CNP: variants seen among roughly 807,000 people sequenced by gnomAD.
The protein encoded by CNP is 2',3'-cyclic-nucleotide 3'-phosphodiesterase.
Under a neutral mutation model 37.9 loss-of-function variants are expected in CNP, and 8 were observed. The observed-to-expected ratio is 0.21, with a 90% CI of 0.12 to 0.38. CNP has a LOEUF of 0.38. CNP is among the 10% of genes least tolerant of loss of function. CNP has a pLI of 1.00. For synonymous variants in CNP, 237 were observed against 238.3 expected (o/e 0.99, Z 0.05); for missense variants, 457 against 551.0 (o/e 0.83, Z 1.71).
chr17:41,977,210 A>C lies in CNP; in HGVS notation c.*3286A>C. ...CCAAAGAGCTGCCTAAGAGGCAATGAGTGTGTTGGCTTGTGATCTGGGAAC... is the reference window on the plus strand; with the variant it reads ...CCAAAGAGCTGCCTAAGAGGCAATGCGTGTGTTGGCTTGTGATCTGGGAAC... On this transcript the variant is annotated 3_prime_UTR_variant, in exon 4 of 4. Transcript: ENST00000393892. The C allele has an allele frequency of 6.5e-7, 1 of 1,538,370 alleles. No individual in the cohort carries two copies. Among genetic ancestry groups the C allele is most frequent in the African/African-American group, 1.4e-5 (1 of 72,952 alleles).
Position 41,974,134 on chromosome 17 carries a change from C to T in CNP, c.*210C>T. 1 of 417,524 alleles carries T rather than the reference C, an allele frequency of 2.4e-6. No homozygotes were observed. The highest frequency in any genetic ancestry group is 4.1e-6 in the Non-Finnish European group (1 of 245,492). The allele number at this position is 417,524 out of a possible 1,614,324, so 25.9% of individuals were successfully genotyped here. A position where few individuals can be genotyped will look rare whatever the true frequency, so the allele number is the denominator to read the frequency against. ...GCTCACGCTCCCAACACAAGGTGGGCAGGGAGGCACCATTCAGGAACCTGG... is the reference window on the plus strand; with the variant it reads ...GCTCACGCTCCCAACACAAGGTGGGTAGGGAGGCACCATTCAGGAACCTGG... On this transcript the variant is annotated 3_prime_UTR_variant, in exon 4 of 4. Transcript: ENST00000393892.
At chr17:41,970,295 CAG>C (rs1281116251) in intron 2 of CNP, 4 of 151,586 alleles carry the variant, frequency 2.6e-5, no homozygotes, top group African/African-American at 4.9e-5. Flanking sequence ...TTAGTAGAGA[CAG>C]GGTTTCACCA....
chr17:41,976,842 A>G lies in CNP; in HGVS notation c.*2918A>G. 6.4e-7 allele frequency: 1 copy of G among 1,565,072 alleles called. No homozygotes were observed. The highest frequency in any genetic ancestry group is 8.7e-7 in the Non-Finnish European group (1 of 1,155,076). On this transcript the variant is annotated 3_prime_UTR_variant, in exon 4 of 4. Coordinates refer to ENST00000393892, the MANE Select transcript of CNP (RefSeq NM_033133.5). ...GAAGATCACTTTGCTCTGATTATGG[A>G]AAAGTCTTCAAGGGCTGCTTCAAAC...
Position 41,977,164 on chromosome 17 carries a change from G to A in CNP, c.*3240G>A, listed in dbSNP as rs1370251212. The A allele has an allele frequency of 2.7e-5, 34 of 1,248,210 alleles. No individual in the cohort carries two copies. The highest frequency in any genetic ancestry group is 4.0e-5 in the South Asian group (3 of 75,066). 77.3% of individuals were successfully genotyped at this position (1,248,210 alleles called of 1,614,324 possible). A position where few individuals can be genotyped will look rare whatever the true frequency, so the allele number is the denominator to read the frequency against. On this transcript the variant is annotated 3_prime_UTR_variant, in exon 4 of 4. Transcript: ENST00000393892. ...GCTAGATGAGAATTCAGCTGCCCCC[G>A]CTCATGGGCCCCTCTGACTCCCAAA...
rs1306362638 is a variant in CNP, at chr17:41,974,173, AG to A, written c.*251del. 1.6e-5 allele frequency: 5 copies of A among 317,126 alleles called. No individual in the cohort carries two copies. Among genetic ancestry groups the A allele is most frequent in the Non-Finnish European group, 2.9e-5 (5 of 175,060 alleles). The allele number at this position is 317,126 out of a possible 1,614,324, so 19.6% of individuals were successfully genotyped here. A position where few individuals can be genotyped will look rare whatever the true frequency, so the allele number is the denominator to read the frequency against. On this transcript the variant is annotated 3_prime_UTR_variant, in exon 4 of 4. Transcript: ENST00000393892. ...TCAGGAACCTGGACCAAAGCTGACG[AG>A]GCTGGGCCAAGCCAGGGATGGGGCC... is the stretch of plus-strand genomic sequence containing the variant.
Position 41,976,767 on chromosome 17 carries a change from G to A in CNP, c.*2843G>A. 1.2e-6 allele frequency: 2 copies of A among 1,611,022 alleles called. No individual in the cohort carries two copies. On this transcript the variant is annotated 3_prime_UTR_variant, in exon 4 of 4. Transcript: ENST00000393892. ...TTGAAAAAAGAAATTCCCTGGACCA[G>A]ATGCTGAAAGAGAAAAGAGGGGTTG...
Position 41,977,436 on chromosome 17 carries a change from A to G in CNP, c.*3512A>G. The G allele has an allele frequency of 1.1e-6, 1 of 952,184 alleles. No individual in the cohort carries two copies. Among genetic ancestry groups the G allele is most frequent in the Non-Finnish European group, 1.6e-6 (1 of 627,474 alleles). 59.0% of individuals were successfully genotyped at this position (952,184 alleles called of 1,614,324 possible). A position where few individuals can be genotyped will look rare whatever the true frequency, so the allele number is the denominator to read the frequency against. Reference sequence around the variant, plus strand: ...CTCCAAAGCTTTCCTGGAGAGTCTCACTCCCCTCCTTTCCCAACACTTCAG... The same window carrying G: ...CTCCAAAGCTTTCCTGGAGAGTCTCGCTCCCCTCCTTTCCCAACACTTCAG... On this transcript the variant is annotated 3_prime_UTR_variant, in exon 4 of 4. Coordinates refer to ENST00000393892, the MANE Select transcript of CNP (RefSeq NM_033133.5).
At chr17:41,967,910 C>A (rs2144557742) in intron 1 of CNP, 158 bp from the exon 2 acceptor site, 1 of 1,446,198 alleles carries the variant, frequency 6.9e-7, no homozygotes, top group Non-Finnish European at 9.1e-7. Flanking sequence ...TCCTCCTCCA[C>A]GACCAGAAGC....
At chr17:41,970,272 T>A (rs1555643599) in intron 2 of CNP, 1 of 151,780 alleles carries the variant, frequency 6.6e-6, no homozygotes, top group African/African-American at 2.4e-5. Context: ...AATTTTTTTT[T>A]ATTTTTGTAT....
At position 41,971,896 on chromosome 17, in the gene CNP, C is replaced by T; in HGVS notation, c.681C>T (p.Val227=). The T allele has an allele frequency of 6.2e-7, 1 of 1,613,620 alleles. No individual in the cohort carries two copies. The highest frequency in any genetic ancestry group is 8.5e-7 in the Non-Finnish European group (1 of 1,179,838). The change falls in exon 3 of 4, where the codon GTC becomes GTT. Residue 227 remains valine, a synonymous_variant. Transcript: ENST00000393892. ...GCACCCGTTTTCTCCCGGCAGTCGT[C>T]CCTGGGGATGAGCCCAGGGAGAAGA... ...KAFKKELRQF[V]PGDEPREKMD... is the part of the protein sequence containing the mutation.
Position 41,968,291 on chromosome 17 carries a change from A to G in CNP, c.227A>G (p.Asp76Gly). 3 of 1,614,086 alleles carry G rather than the reference A, an allele frequency of 1.9e-6. No individual in the cohort carries two copies. Among genetic ancestry groups the G allele is most frequent in the Non-Finnish European group, 2.5e-6 (3 of 1,179,982 alleles). The stretch of plus-strand genomic sequence containing the variant: ...CGGGTCATCGTGGACAAGTACCGTG[A>G]TGGCACCAAGATGGTGTCGGCTGAC... ...LARVIVDKYR[D>G]GTKMVSADAY... Residue 76 changes from aspartate to glycine, a missense_variant, in exon 2 of 4, where the codon GAT (aspartate) becomes GGT (glycine). Asp to Gly is a moderately conservative substitution (Grantham distance 94). This residue lies in a region of CNP where 166 missense variants were observed against 259.3 expected (regional missense o/e 0.64). Coordinates refer to ENST00000393892, the MANE Select transcript of CNP (RefSeq NM_033133.5). The surrounding 1 kb of genome is among the most constrained non-coding windows in gnomAD (Gnocchi z 4.8).
chr17:41,969,985 C>T (rs572518789), intron 2 of CNP, among the ~76,000 whole-genome samples: 3 of 152,334 alleles, frequency 2.0e-5, no homozygotes, highest in African/African-American at 7.2e-5. Flanking sequence ...TTCTCAGCTC[C>T]TAAACTTGAA....
In CNP at chr17:41,976,800, G is replaced by C; in HGVS notation, c.*2876G>C. The C allele has an allele frequency of 6.2e-7, 1 of 1,601,454 alleles. No individual in the cohort carries two copies. Among genetic ancestry groups the C allele is most frequent in the South Asian group, 1.1e-5 (1 of 89,954 alleles). On this transcript the variant is annotated 3_prime_UTR_variant, in exon 4 of 4. Coordinates refer to ENST00000393892, the MANE Select transcript of CNP (RefSeq NM_033133.5). Reference sequence around the variant, plus strand: ...AAGAGAAAAGAGGGGTTGGTAGTTGGCTATGGATTTTCTAAGGAAGATCAC... The same window carrying C: ...AAGAGAAAAGAGGGGTTGGTAGTTGCCTATGGATTTTCTAAGGAAGATCAC...
At position 41,968,661 on chromosome 17, in the gene CNP, T is replaced by C. The variant is rs1555643315; in HGVS notation, c.597T>C (p.Ser199=). 5.6e-6 allele frequency: 9 copies of C among 1,614,138 alleles called. No individual in the cohort carries two copies. Among genetic ancestry groups the C allele is most frequent in the Non-Finnish European group, 7.6e-6 (9 of 1,180,030 alleles). Residue 199 remains serine (S), a synonymous_variant, in exon 2 of 4, where the codon TCT becomes TCC. Coordinates refer to ENST00000393892, the MANE Select transcript of CNP (RefSeq NM_033133.5). This position sits in a 1 kb window ranked among gnomAD's most constrained non-coding sequence, Gnocchi z 4.8. The part of the protein sequence containing the change: ...YFGWFLTKKS[S]ETLRKAGQVF... Reference sequence around the variant, plus strand: ...GCTGGTTCCTGACCAAGAAGAGCTCTGAGACCCTCCGCAAAGCCGGCCAGG... The same window carrying C: ...GCTGGTTCCTGACCAAGAAGAGCTCCGAGACCCTCCGCAAAGCCGGCCAGG...
At chr17:41,967,665 C>G in intron 1 of CNP, 1 of 1,029,580 alleles carries the variant, frequency 9.7e-7, no homozygotes, top group Non-Finnish European at 1.2e-6. Context: ...TAACCCTTCT[C>G]CACTCCCCCC....
chr17:41,969,579 G>A (rs544061188), intron 2 of CNP, among the ~76,000 whole-genome samples: 10 of 152,160 alleles, frequency 6.6e-5, no homozygotes, highest in East Asian at 3.9e-4. Flanking sequence ...ATTGTGACAC[G>A]GAGTCTCCCT....
Position 41,976,533 on chromosome 17 carries a change from G to T in CNP, c.*2609G>T. ...ACAAGCTGCCTCCCTGTCCACCCCC[G>T]CCTCCCTCCCCTGCCCTCGGTCTTC... is the stretch of plus-strand genomic sequence containing the variant. On this transcript the variant is annotated 3_prime_UTR_variant, in exon 4 of 4. Transcript: ENST00000393892. 5.1e-6 allele frequency: 2 copies of T among 388,438 alleles called. No individual in the cohort carries two copies. The highest frequency in any genetic ancestry group is 4.6e-6 in the Non-Finnish European group (1 of 219,570). 24.1% of individuals were successfully genotyped at this position (388,438 alleles called of 1,614,324 possible).
chr17:41,971,843 G>T (rs782339563), intron 2 of CNP, 49 bp from the exon 3 acceptor site: 70 of 1,606,330 alleles, frequency 4.4e-5, no homozygotes, highest in Non-Finnish European at 5.7e-5. Context: ...GGCGGATGTT[G>T]GTATGCCCCT....
rs188082705 is a variant in CNP, at chr17:41,977,049, G to A, written c.*3125G>A. On this transcript the variant is annotated 3_prime_UTR_variant, in exon 4 of 4. Transcript: ENST00000393892. ...TTAGAGATGCCTCCCTGACCCTGCAGAGATGCGGTGGCTAAAGGTCCCAAG... is the reference window on the plus strand; with the variant it reads ...TTAGAGATGCCTCCCTGACCCTGCAAAGATGCGGTGGCTAAAGGTCCCAAG... 1.5e-6 allele frequency: 1 copy of A among 649,822 alleles called. No individual in the cohort carries two copies. Among genetic ancestry groups the A allele is most frequent in the Non-Finnish European group, 2.6e-6 (1 of 378,658 alleles). 40.3% of individuals were successfully genotyped at this position (649,822 alleles called of 1,614,324 possible).
Sources: allele counts gnomAD v4.1 joint callset (sites outside exome capture counted in the v4.1 genomes callset), GRCh38; gene constraint gnomAD v4.1.1; regional missense constraint gnomAD v4.1.1; non-coding constraint Gnocchi (gnomAD v3.1); transcripts MANE v1.5; gene names NCBI Gene and HGNC (gene_info 2026-07-23, HGNC 2026-07-21).